SLIT3: variants seen among roughly 807,000 people sequenced by gnomAD.
The protein encoded by SLIT3 is slit homolog 3 protein.
A neutral mutation model predicts 184.0 loss-of-function variants in SLIT3; 68 were observed. That is an observed-to-expected ratio of 0.37 (90% CI 0.30 to 0.45). SLIT3 has a LOEUF of 0.45. SLIT3 is among the 20% of genes least tolerant of loss of function. The pLI is 1.00. For missense variants in SLIT3, 1,707 were observed against 2,026.0 expected (o/e 0.84, Z 3.02); for synonymous variants, 831 against 828.6 (o/e 1.00, Z -0.05).
At chr5:168,969,435 A>G (rs556260340) in intron 4 of SLIT3, among the ~76,000 whole-genome samples, 259 of 152,340 alleles carry the variant, frequency 1.7e-3, no homozygotes, top group Non-Finnish European at 3.1e-3. Context: ...AACCTGTGCA[A>G]TCCTTGGCCA....
chr5:168,776,952 G>A (rs1466814774), intron 12 of SLIT3, among the ~76,000 whole-genome samples: 1 of 152,084 alleles, frequency 6.6e-6, no homozygotes, highest in Non-Finnish European at 1.5e-5. Context: ...ACAGGTCAGA[G>A]GTGCCCATTT....
At chr5:169,193,326 G>C (rs550036698) in intron 4 of SLIT3, among the ~76,000 whole-genome samples, 153 bp downstream of exon 4, 20 of 152,222 alleles carry the variant, frequency 1.3e-4, no homozygotes, top group South Asian at 8.3e-4. Context: ...GTGTTTGTTG[G>C]GGGTAGACGT....
intron 2 of SLIT3, among the ~76,000 whole-genome samples, chr5:169,248,643 T>C (rs1271965442): frequency 6.6e-6 from 1 of 152,198 alleles, no homozygotes; most frequent in African/African-American, 2.4e-5. Flanking sequence ...TTTTTAGCTT[T>C]AGCACTGGAT....
intron 10 of SLIT3, among the ~76,000 whole-genome samples, chr5:168,794,192 G>C (rs572775014): frequency 3.3e-4 from 50 of 152,210 alleles, no homozygotes; most frequent in Non-Finnish European, 5.9e-4. Context: ...GAAGAAGCAG[G>C]ACCGAGTCCA....
intron 5 of SLIT3, among the ~76,000 whole-genome samples, chr5:168,882,142 G>T (rs531865510): frequency 6.6e-6 from 1 of 152,198 alleles, no homozygotes; most frequent in African/African-American, 2.4e-5. Context: ...TAAAACCCCT[G>T]CATTCATTAC....
chr5:169,186,916 C>T (rs796888367), intron 4 of SLIT3, among the ~76,000 whole-genome samples: 8 of 152,204 alleles, frequency 5.3e-5, no homozygotes, highest in African/African-American at 1.9e-4. Flanking sequence ...TGGTTGGCCA[C>T]ATTGCATATA....
chr5:168,875,167 G>A (rs1011463445), intron 5 of SLIT3, among the ~76,000 whole-genome samples: 23 of 138,160 alleles, frequency 1.7e-4, no homozygotes, highest in Non-Finnish European at 3.1e-4. Context: ...GAGGGAAAGA[G>A]GAAAGAAGGG....
At chr5:168,841,658 T>A (rs761490838) in intron 6 of SLIT3, among the ~76,000 whole-genome samples, 1 of 152,210 alleles carries the variant, frequency 6.6e-6, no homozygotes, top group Non-Finnish European at 1.5e-5. Flanking sequence ...TCAATGTAAC[T>A]GGTAAAACCA....
At chr5:168,852,161 C>G in intron 5 of SLIT3, among the ~76,000 whole-genome samples, 1 of 152,272 alleles carries the variant, frequency 6.6e-6, no homozygotes, top group East Asian at 1.9e-4. Context: ...CACTCTTGAG[C>G]GATAACCATC....
chr5:168,666,470 C>A lies in SLIT3; in HGVS notation c.4556G>T (p.Cys1519Phe). 6.3e-7 allele frequency: 1 copy of A among 1,578,008 alleles called. No homozygotes were observed. Among genetic ancestry groups the A allele is most frequent in the Non-Finnish European group, 8.6e-7 (1 of 1,158,764 alleles). ...GGCAGGGGCTTAGGAACACGCGAGG[C>A]AGCCGCACTCTAAGTGTCTCTCCAC... is the stretch of plus-strand genomic sequence containing the variant. ...EEVERHLECG[C>F]LACS Residue 1519 changes from cysteine to phenylalanine, a missense_variant, in exon 36 of 36, where the codon TGC becomes TTC. By Grantham distance (205) the Cys-to-Phe change is radical (BLOSUM62 -2). Transcript: ENST00000519560.
chr5:168,769,881 C>T (rs1357531235), intron 14 of SLIT3, among the ~76,000 whole-genome samples: 1 of 152,178 alleles, frequency 6.6e-6, no homozygotes, highest in Admixed American at 6.5e-5. Context: ...TAAGATTTTT[C>T]TGCTGTGTGG....
chr5:169,017,974 T>G (rs887216432), intron 4 of SLIT3: 1 of 152,212 alleles, frequency 6.6e-6, no homozygotes, highest in Middle Eastern at 3.2e-3. Context: ...CTGACGAGGT[T>G]ATGGTTCTAC....
At chr5:169,073,883 C>T (rs977457856) in intron 4 of SLIT3, among the ~76,000 whole-genome samples, 1 of 152,170 alleles carries the variant, frequency 6.6e-6, no homozygotes, top group Non-Finnish European at 1.5e-5. Context: ...TATTTCCTAA[C>T]CTCAGGAATT....
intron 1 of SLIT3, among the ~76,000 whole-genome samples, chr5:169,277,283 T>C (rs1391632291): frequency 6.6e-6 from 1 of 152,214 alleles, no homozygotes; most frequent in East Asian, 1.9e-4. Flanking sequence ...CAGGCTGGAA[T>C]GCAGTGGCAT....
chr5:169,229,656 C>CTG (rs1764929526), intron 3 of SLIT3, among the ~76,000 whole-genome samples: 1 of 151,334 alleles, frequency 6.6e-6, no homozygotes, highest in South Asian at 2.1e-4. Context: ...CTCTCTCTCT[C>CTG]TCTCTCTCTC....
chr5:169,132,433 A>C (rs1486163266), intron 4 of SLIT3, among the ~76,000 whole-genome samples: 1 of 152,192 alleles, frequency 6.6e-6, no homozygotes, highest in Non-Finnish European at 1.5e-5. Flanking sequence ...TAAAATGAAC[A>C]TACAACTATT....
chr5:169,230,984 T>G (rs991153629), intron 3 of SLIT3, among the ~76,000 whole-genome samples: 26 of 152,342 alleles, frequency 1.7e-4, no homozygotes, highest in African/African-American at 6.3e-4. Flanking sequence ...TGTTTTATTT[T>G]ATTTACTGAA....
chr5:168,815,795 C>T (rs1351820398), intron 8 of SLIT3, among the ~76,000 whole-genome samples: 4 of 152,222 alleles, frequency 2.6e-5, no homozygotes, highest in Non-Finnish European at 5.9e-5. Flanking sequence ...AGAGTTTGCG[C>T]TTCTGGCCAT....
chr5:168,991,253 C>T (rs754345372), intron 4 of SLIT3, among the ~76,000 whole-genome samples: 12 of 152,142 alleles, frequency 7.9e-5, no homozygotes, highest in Non-Finnish European at 1.6e-4. Flanking sequence ...CTTCCAAAAA[C>T]CTTATCAAGC....
Sources: gnomAD v4.1 joint callset for allele counts (sites outside exome capture counted in the v4.1 genomes callset) on GRCh38, gnomAD v4.1.1 for gene constraint, MANE v1.5 for transcripts, NCBI Gene and HGNC (gene_info 2026-07-23, HGNC 2026-07-21) for gene names.